Variants in DNAJC13 observed in about 807,000 individuals in gnomAD.
DNAJC13 encodes dnaJ homolog subfamily C member 13.
Under a neutral mutation model 290.5 loss-of-function variants are expected in DNAJC13, and 75 were observed. The ratio of observed to expected loss-of-function variants is 0.26; its 90% CI spans 0.21 to 0.31. DNAJC13 has a LOEUF of 0.31. Ranked by LOEUF, DNAJC13 falls within the 10% of genes least tolerant of loss-of-function variation. The pLI, the probability that DNAJC13 is intolerant of heterozygous loss-of-function variation, is 1.00. For synonymous variants in DNAJC13, 862 were observed against 892.0 expected, an observed-to-expected ratio of 0.97 and a Z score of 0.60; for missense variants, 2,260 against 2,674.5, an observed-to-expected ratio of 0.85 and a Z score of 3.42.
intron 7 of DNAJC13, 23 bp from the exon 8 acceptor site, chr3:132,453,575 AT>A (rs1310944931): frequency 6.2e-7 from 1 of 1,607,736 alleles, no homozygotes; most frequent in African/African-American, 1.3e-5. Flanking sequence ...ACTTCTTAAT[AT>A]GTCTCAATTT....
chr3:132,493,173 T>C (rs1935118505), intron 33 of DNAJC13, among the ~76,000 whole-genome samples: 1 of 148,672 alleles, frequency 6.7e-6, no homozygotes, highest in South Asian at 2.2e-4. Flanking sequence ...GAGTGCGACC[T>C]GCTCATTGTA....
chr3:132,461,765 C>T (rs984351335), intron 15 of DNAJC13, among the ~76,000 whole-genome samples: 9 of 152,044 alleles, frequency 5.9e-5, no homozygotes, highest in African/African-American at 1.9e-4. Context: ...AATCACAGCT[C>T]ACTGCAGCCT....
At chr3:132,495,499 T>TCAC (rs1476307985) in intron 35 of DNAJC13, among the ~76,000 whole-genome samples, 2 of 152,166 alleles carry the variant, frequency 1.3e-5, no homozygotes, top group African/African-American at 2.4e-5. Context: ...TTTTAGGTGA[T>TCAC]ACCATTGCTA....
At chr3:132,467,371 A>C in intron 20 of DNAJC13, 58 bp downstream of exon 20, 1 of 1,575,106 alleles carries the variant, frequency 6.3e-7, no homozygotes, top group Non-Finnish European at 8.7e-7. Context: ...AGTCTACTTT[A>C]GTTCCTGCTG....
rs1180074742 is a variant in DNAJC13 at position 132,453,322 on chromosome 3, G to A, written c.562G>A (p.Glu188Lys). Residue 188 changes from glutamate to lysine, a missense_variant, in exon 7 of 56, where the codon GAA becomes AAA. Coordinates refer to ENST00000260818, the MANE Select transcript of DNAJC13 (RefSeq NM_015268.4). ...GCATTTATTTGCGTCAGAGCAAAGAGAAGAGATTATTAAAAGTGCAATAGA... is the reference window on the plus strand; with the variant it reads ...GCATTTATTTGCGTCAGAGCAAAGAAAAGAGATTATTAAAAGTGCAATAGA... ...RLHLFASEQR[E>K]EIIKSAIDHA... The A allele has an allele frequency of 2.5e-6, 4 of 1,613,540 alleles. No homozygotes were observed. Among genetic ancestry groups the A allele is most frequent in the Non-Finnish European group, 3.4e-6 (4 of 1,179,842 alleles).
intron 30 of DNAJC13, 49 bp downstream of exon 30, chr3:132,488,501 A>G (rs545348473): frequency 4.7e-6 from 7 of 1,505,330 alleles, no homozygotes; most frequent in South Asian, 1.3e-5. Flanking sequence ...TGAATTTTAT[A>G]TGGACTGATT....
intron 2 of DNAJC13, among the ~76,000 whole-genome samples, chr3:132,437,400 TA>T (rs1416991295): frequency 6.6e-6 from 1 of 152,232 alleles, no homozygotes; most frequent in Non-Finnish European, 1.5e-5. Context: ...TTTGGTAATC[TA>T]AAAAGCCATT....
chr3:132,450,776 A>G lies in DNAJC13; in HGVS notation c.466A>G (p.Ile156Val). The change falls in exon 6 of 56, where the codon ATT becomes GTT. Residue 156 changes from isoleucine to valine, a missense_variant. By Grantham distance (29) the Ile-to-Val change is conservative. Transcript: ENST00000260818. ...ACTCTGTTCCTATGACTATAGAAAT[A>G]TTGAAGGATTTGTAGATCTCTCAGA... is the stretch of plus-strand genomic sequence containing the variant. ...RVLCSYDYRN[I>V]EGFVDLSDYQ... 1 of 1,609,812 alleles carries G rather than the reference A, an allele frequency of 6.2e-7. No individual in the cohort carries two copies. The highest frequency in any genetic ancestry group is 8.5e-7 in the Non-Finnish European group (1 of 1,176,556).
intron 2 of DNAJC13, among the ~76,000 whole-genome samples, chr3:132,440,602 G>A (rs562541362): frequency 4.6e-4 from 70 of 152,328 alleles, no homozygotes; most frequent in African/African-American, 1.5e-3. Context: ...GTACAGTAAC[G>A]TTGTACACTA....
chr3:132,447,988 C>G, intron 5 of DNAJC13, 49 bp downstream of exon 5: 1 of 1,278,022 alleles, frequency 7.8e-7, no homozygotes, highest in Non-Finnish European at 1.1e-6. Context: ...AAATGTTGCC[C>G]TTTATTGTAG....
intron 46 of DNAJC13, among the ~76,000 whole-genome samples, chr3:132,514,981 T>C (rs1312057836): frequency 6.6e-6 from 1 of 152,148 alleles, no homozygotes; most frequent in East Asian, 1.9e-4. Flanking sequence ...TAAACATAAG[T>C]AATCTTGGAT....
intron 15 of DNAJC13, among the ~76,000 whole-genome samples, chr3:132,461,678 T>TTA (rs1553744939): frequency 6.6e-6 from 1 of 152,102 alleles, no homozygotes; most frequent in African/African-American, 2.4e-5. Flanking sequence ...ATATCTTGCT[T>TTA]TTTTATTTTA....
At chr3:132,510,265 T>A (rs909161887) in intron 43 of DNAJC13, among the ~76,000 whole-genome samples, 3 of 152,116 alleles carry the variant, frequency 2.0e-5, no homozygotes, top group African/African-American at 7.2e-5. Context: ...AAATAAAGAT[T>A]TTTTTAGAAG....
At chr3:132,493,697 T>C (rs1028583973) in intron 33 of DNAJC13, among the ~76,000 whole-genome samples, 2 of 152,122 alleles carry the variant, frequency 1.3e-5, no homozygotes, top group Non-Finnish European at 2.9e-5. Context: ...CCCATAATTA[T>C]GTTAGATCAC....
Position 132,492,468 on chromosome 3 carries a change from T to A in DNAJC13, c.3678T>A (p.Leu1226=). 6.2e-7 allele frequency: 1 copy of A among 1,613,932 alleles called. No homozygotes were observed. Among genetic ancestry groups the A allele is most frequent in the Non-Finnish European group, 8.5e-7 (1 of 1,179,850 alleles). Residue 1226 remains leucine (L), a synonymous_variant, in exon 33 of 56, where the codon CTT becomes CTA. Coordinates refer to ENST00000260818, the MANE Select transcript of DNAJC13 (RefSeq NM_015268.4). ...ATCTCGCGGATTTCACACCTCGTCT[T>A]CAGAGTAACACAAGAGCACTTTATC... ...AAHLADFTPR[L]QSNTRALYQY... is the part of the protein sequence containing the mutation.
intron 55 of DNAJC13, chr3:132,537,232 C>T (rs1364777290): frequency 2.2e-6 from 1 of 456,210 alleles, no homozygotes; most frequent in Non-Finnish European, 4.4e-6. Context: ...CTCTGCCAGG[C>T]AGCTTGCTAA....
At chr3:132,421,058 G>T (rs534482195) in intron 1 of DNAJC13, among the ~76,000 whole-genome samples, 1 of 152,330 alleles carries the variant, frequency 6.6e-6, no homozygotes, top group East Asian at 1.9e-4. Flanking sequence ...AATGCAGTGA[G>T]CATTGGATGG....
At chr3:132,501,435 A>G (rs908582547) in intron 39 of DNAJC13, among the ~76,000 whole-genome samples, 3 of 152,112 alleles carry the variant, frequency 2.0e-5, no homozygotes, top group African/African-American at 7.2e-5. Context: ...ACTCCAGAAA[A>G]TTCAACCATA....
intron 53 of DNAJC13, among the ~76,000 whole-genome samples, chr3:132,527,588 G>T (rs1225485737): frequency 1.3e-5 from 2 of 152,188 alleles, no homozygotes; most frequent in African/African-American, 2.4e-5. Context: ...TTTCTCATCT[G>T]TAAAATAAGG....
Sources: allele counts gnomAD v4.1 joint callset (sites outside exome capture counted in the v4.1 genomes callset), GRCh38; gene constraint gnomAD v4.1.1; transcripts MANE v1.5; gene names NCBI Gene and HGNC (gene_info 2026-07-23, HGNC 2026-07-21).